The following FGF12 variants were observed in gnomAD, a reference collection of about 807,000 sequenced individuals.
FGF12 encodes fibroblast growth factor 12B.
A neutral mutation model predicts 23.6 loss-of-function variants in FGF12; 14 were observed. That is an observed-to-expected ratio of 0.59 (90% CI 0.39 to 0.93). The LOEUF is 0.93. FGF12 is among the 40% of genes least tolerant of loss of function. The pLI, the probability that FGF12 is intolerant of heterozygous loss-of-function variation, is 0.00. For missense variants in FGF12, 175 were observed against 217.8 expected (o/e 0.80, Z 1.24); for synonymous variants, 62 against 77.3 (o/e 0.80, Z 1.04).
At position 192,144,051 on chromosome 3, in the gene FGF12, T is replaced by C; in HGVS notation, c.504A>G (p.Pro168=). 1 of 1,613,754 alleles carries C rather than the reference T, an allele frequency of 6.2e-7. No homozygotes were observed. Among genetic ancestry groups the C allele is most frequent in the Non-Finnish European group, 8.5e-7 (1 of 1,179,708 alleles). Residue 168 remains proline, a synonymous_variant, in exon 6 of 6, where the codon CCA becomes CCG. Coordinates refer to ENST00000445105, the MANE Select transcript of FGF12 (RefSeq NM_004113.6). The part of the protein sequence containing the change: ...QGRSRKSSGT[P]TMNGGKVVNQ... ...TCACAACTTTGCCTCCATTCATGGT[T>C]GGTGTTCCAGAACTTTTCCTTGAAC...
intron 2 of FGF12, among the ~76,000 whole-genome samples, chr3:192,567,896 G>A (rs890552033): frequency 6.7e-6 from 1 of 149,964 alleles, no homozygotes; most frequent in Non-Finnish European, 1.5e-5. Context: ...GCAGTGGCGC[G>A]ATCTTGGCTC....
intron 4 of FGF12, among the ~76,000 whole-genome samples, chr3:192,263,631 T>G (rs989744743): frequency 6.6e-6 from 1 of 152,008 alleles, no homozygotes; most frequent in African/African-American, 2.4e-5. Context: ...TCTTTTTTAA[T>G]GCTCCATGAA....
intron 2 of FGF12, among the ~76,000 whole-genome samples, chr3:192,617,133 T>C (rs991531075): frequency 6.6e-6 from 1 of 152,040 alleles, no homozygotes; most frequent in South Asian, 2.1e-4. Context: ...TTCAGGCTTA[T>C]TTGCATGTGT....
intron 2 of FGF12, among the ~76,000 whole-genome samples, chr3:192,566,927 T>C (rs1359873321): frequency 6.6e-6 from 1 of 152,198 alleles, no homozygotes; most frequent in Non-Finnish European, 1.5e-5. Flanking sequence ...TAGAGGGTGC[T>C]ATGCACTGAA....
At position 192,219,474 on chromosome 3, in the gene FGF12, C is replaced by A. The variant is rs73887262; in HGVS notation, c.229-48818G>T. Among the ~76,000 whole-genome samples, 350 of 152,228 alleles carry A rather than the reference C, an allele frequency of 2.3e-3. 2 individuals carry two copies. Among genetic ancestry groups the A allele is most frequent in the African/African-American group, 8.3e-3 (345 of 41,536 alleles). On this transcript the variant is annotated intron_variant, in intron 4 of 5. Coordinates refer to ENST00000445105, the MANE Select transcript of FGF12 (RefSeq NM_004113.6). ...ACCTGAGATACTTAAACACGAAAAA[C>A]CCCCAGAAATATTTTAATATAATAG...
At chr3:192,503,446 A>G (rs1363479465) in intron 2 of FGF12, among the ~76,000 whole-genome samples, 1 of 152,066 alleles carries the variant, frequency 6.6e-6, no homozygotes, top group African/African-American at 2.4e-5. Flanking sequence ...TTAAAAGACT[A>G]TCACCCAAGT....
At chr3:192,427,655 G>A (rs949728775) in intron 2 of FGF12, among the ~76,000 whole-genome samples, 3 of 152,184 alleles carry the variant, frequency 2.0e-5, no homozygotes, top group African/African-American at 7.2e-5. Flanking sequence ...TTAGTGCCCA[G>A]TAGTATGTGT....
At chr3:192,189,280 C>CT (rs1716654161) in intron 4 of FGF12, among the ~76,000 whole-genome samples, 1 of 152,306 alleles carries the variant, frequency 6.6e-6, no homozygotes, top group African/African-American at 2.4e-5. Flanking sequence ...ATTAGATAAT[C>CT]TTTAAGGGAG....
chr3:192,337,243 G>A (rs1717464124), intron 3 of FGF12, among the ~76,000 whole-genome samples: 1 of 152,100 alleles, frequency 6.6e-6, no homozygotes, highest in Non-Finnish European at 1.5e-5. Flanking sequence ...TCAGGAAAAT[G>A]GAAGCTCTGT....
intron 2 of FGF12, among the ~76,000 whole-genome samples, chr3:192,442,191 G>C (rs968620026): frequency 6.6e-6 from 1 of 152,196 alleles, no homozygotes; most frequent in Non-Finnish European, 1.5e-5. Flanking sequence ...TTCAAGCTCA[G>C]TGGGCAGGGA....
intron 2 of FGF12, among the ~76,000 whole-genome samples, chr3:192,539,674 T>G (rs1725317400): frequency 6.6e-6 from 1 of 152,160 alleles, no homozygotes; most frequent in Non-Finnish European, 1.5e-5. Flanking sequence ...ATGATAAGTT[T>G]GGAAGTATTC....
chr3:192,667,773 G>A (rs1716947700), intron 2 of FGF12, among the ~76,000 whole-genome samples: 1 of 151,974 alleles, frequency 6.6e-6, no homozygotes. Context: ...AGAGAAGACG[G>A]GTATAACAGG....
chr3:192,415,445 T>C (rs984822685), intron 2 of FGF12, among the ~76,000 whole-genome samples: 4 of 152,040 alleles, frequency 2.6e-5, no homozygotes, highest in Non-Finnish European at 1.5e-5. Flanking sequence ...AATTCATCAA[T>C]CCATCCACCC....
intron 2 of FGF12, among the ~76,000 whole-genome samples, chr3:192,618,113 C>G (rs1390947192): frequency 6.6e-6 from 1 of 151,798 alleles, no homozygotes; most frequent in Non-Finnish European, 1.5e-5. Flanking sequence ...CATAAGCAAC[C>G]CTTACAGGAA....
chr3:192,668,943 G>A (rs1717000691), intron 2 of FGF12, among the ~76,000 whole-genome samples: 1 of 152,074 alleles, frequency 6.6e-6, no homozygotes, highest in South Asian at 2.1e-4. Flanking sequence ...AGAATTGAAA[G>A]AATCAGCAGT....
intron 2 of FGF12, among the ~76,000 whole-genome samples, chr3:192,378,707 C>CT (rs11382928): frequency 0.025 from 3,718 of 151,716 alleles, 60 homozygotes; most frequent in East Asian, 0.053. Context: ...ATCAAAAGCA[C>CT]TTTTTTTTAG....
chr3:192,631,416 T>C (rs1452645624), intron 2 of FGF12, among the ~76,000 whole-genome samples: 1 of 152,200 alleles, frequency 6.6e-6, no homozygotes, highest in Non-Finnish European at 1.5e-5. Context: ...ACAGCAACTG[T>C]TTAACTATAA....
At chr3:192,255,836 A>T (rs978201309) in intron 4 of FGF12, among the ~76,000 whole-genome samples, 1 of 152,206 alleles carries the variant, frequency 6.6e-6, no homozygotes, top group South Asian at 2.1e-4. Flanking sequence ...TCTATGGAAC[A>T]TCTCCAGTAG....
intron 2 of FGF12, among the ~76,000 whole-genome samples, chr3:192,530,877 C>G (rs1171004491): frequency 6.6e-6 from 1 of 152,028 alleles, no homozygotes; most frequent in South Asian, 2.1e-4. Context: ...TGCAATGGAG[C>G]AATCTCAGCT....
Sources: gnomAD v4.1 joint callset for allele counts (sites outside exome capture counted in the v4.1 genomes callset) on GRCh38, gnomAD v4.1.1 for gene constraint, MANE v1.5 for transcripts, NCBI Gene and HGNC (gene_info 2026-07-23, HGNC 2026-07-21) for gene names.